Variants in DUSP28 observed in about 807,000 individuals in gnomAD.
DUSP28 encodes the protein dual specificity phosphatase 28.
Under a neutral mutation model 8.4 loss-of-function variants are expected in DUSP28, and 11 were observed. That is an observed-to-expected ratio of 1.31 (90% CI 0.83 to 2.17). The LOEUF (loss-of-function observed/expected upper bound fraction) is 2.17, where lower values mean the gene tolerates loss of function less well. DUSP28 is among the 30% of genes most tolerant of loss of function. The pLI is 0.00. For missense variants in DUSP28, 373 were observed against 270.4 expected (o/e 1.38, Z -2.66); for synonymous variants, 178 against 130.9 (o/e 1.36, Z -2.46).
rs1235474456 is a variant in DUSP28, at chr2:240,560,525, C to A, written c.-160C>A. 2 of 1,132,024 alleles carry A rather than the reference C, an allele frequency of 1.8e-6. No homozygotes were observed. The allele number at this position is 1,132,024 out of a possible 1,614,324, so 70.1% of individuals were successfully genotyped here. On this transcript the variant is annotated 5_prime_UTR_variant, in exon 1 of 2. Transcript: ENST00000405954. Reference sequence around the variant, plus strand: ...CAAGCCCCCTGTCCCGGCCCAGCGCCCGCGGGGGACCCAAGCCCCAGCCTG... The same window carrying A: ...CAAGCCCCCTGTCCCGGCCCAGCGCACGCGGGGGACCCAAGCCCCAGCCTG...
In DUSP28 at chr2:240,560,895, T is replaced by C. The variant is rs940800288; in HGVS notation, c.211T>C (p.Phe71Leu). The C allele has an allele frequency of 3.9e-6, 6 of 1,520,848 alleles. No homozygotes were observed. Among genetic ancestry groups the C allele is most frequent in the Non-Finnish European group, 5.2e-6 (6 of 1,148,100 alleles). 94.2% of individuals were successfully genotyped at this position (1,520,848 alleles called of 1,614,324 possible). Reference sequence around the variant, plus strand: ...CGTGGCAGAGCTGCGCGTGCCCGTGTTCGACGACCCGGCTGAGGACCTGCT... The same window carrying C: ...CGTGGCAGAGCTGCGCGTGCCCGTGCTCGACGACCCGGCTGAGGACCTGCT... ...PGVAELRVPVFDDPAEDLLAH... is the reference protein window; with the variant it reads ...PGVAELRVPVLDDPAEDLLAH... The change falls in exon 1 of 2, where the codon TTC (phenylalanine) becomes CTC (leucine). Residue 71 changes from phenylalanine (F) to leucine (L), a missense_variant. Phe to Leu is a conservative substitution (Grantham distance 22). Coordinates refer to ENST00000405954, the MANE Select transcript of DUSP28 (RefSeq NM_001370465.2).
chr2:240,561,275 C>A, intron 1 of DUSP28, 55 bp from the exon 2 acceptor site: 1 of 1,611,414 alleles, frequency 6.2e-7, no homozygotes, highest in Non-Finnish European at 8.5e-7. Context: ...CCCGCCTTGG[C>A]CCCTGCTGGC....
In DUSP28 at chr2:240,560,724, C is replaced by T; in HGVS notation, c.40C>T (p.Pro14Ser). The part of the protein sequence containing the change: ...AEAGRRGAAS[P>S]VPPPLVRVAP... ...AGCTGGGCGCCGCGGGGCCGCCTCG[C>T]CCGTACCTCCACCGTTGGTGCGCGT... Residue 14 changes from proline to serine, a missense_variant, in exon 1 of 2, where the codon CCC (proline) becomes TCC (serine). Physicochemically the swap from Pro to Ser is moderately conservative, Grantham distance 74. Transcript: ENST00000405954. 1.3e-6 allele frequency: 2 copies of T among 1,524,666 alleles called. No homozygotes were observed. The highest frequency in any genetic ancestry group is 1.7e-6 in the Non-Finnish European group (2 of 1,148,152). The allele number at this position is 1,524,666 out of a possible 1,614,324, so 94.4% of individuals were successfully genotyped here.
intron 1 of DUSP28, 23 bp downstream of exon 1, chr2:240,561,100 G>T (rs1358847581): frequency 1.4e-6 from 2 of 1,463,182 alleles, no homozygotes; most frequent in Non-Finnish European, 9.0e-7. Flanking sequence ...TTAGGGGGGC[G>T]GTGTTTCGAG....
Position 240,560,980 on chromosome 2 carries a change from G to A in DUSP28, c.296G>A (p.Cys99Tyr), listed in dbSNP as rs763623217. The A allele has an allele frequency of 1.2e-5, 18 of 1,540,250 alleles. No individual in the cohort carries two copies. The highest frequency in any genetic ancestry group is 1.6e-5 in the Non-Finnish European group (18 of 1,156,106). The change falls in exon 1 of 2, where the codon TGC becomes TAC. Residue 99 changes from cysteine to tyrosine, a missense_variant. By Grantham distance (194) the Cys-to-Tyr change is radical. Coordinates refer to ENST00000405954, the MANE Select transcript of DUSP28 (RefSeq NM_001370465.2). ...MEAAVRAGGA[C>Y]LVYCKNGRSR... The stretch of plus-strand genomic sequence containing the variant: ...GCCGCGGTGCGCGCCGGCGGCGCCT[G>A]CCTAGTCTACTGCAAGAACGGCCGC...
rs1007823553 is a variant in DUSP28, at chr2:240,560,966, C to G, written c.282C>G (p.Arg94=). 7.9e-6 allele frequency: 12 copies of G among 1,514,982 alleles called. No individual in the cohort carries two copies. The highest frequency in any genetic ancestry group is 7.2e-5 in the African/African-American group (5 of 69,374). 93.8% of individuals were successfully genotyped at this position (1,514,982 alleles called of 1,614,324 possible). A position where few individuals can be genotyped will look rare whatever the true frequency, so the allele number is the denominator to read the frequency against. ...PTCAAMEAAV[R]AGGACLVYCK... ...GCGCCGCCATGGAGGCCGCGGTGCG[C>G]GCCGGCGGCGCCTGCCTAGTCTACT... Residue 94 remains arginine (R), a synonymous_variant, in exon 1 of 2, where the codon CGC becomes CGG. Transcript: ENST00000405954.
rs111241666 is a variant in DUSP28, at chr2:240,561,147, G to C, written c.393+70G>C. 1.1e-5 allele frequency: 16 copies of C among 1,458,690 alleles called. No homozygotes were observed. The African/African-American group carries it at 2.0e-4, about 18-fold the overall frequency. 90.4% of individuals were successfully genotyped at this position (1,458,690 alleles called of 1,614,324 possible). A position where few individuals can be genotyped will look rare whatever the true frequency, so the allele number is the denominator to read the frequency against. ...TTCCGGGGACGAGTTTTCCGGGCGG[G>C]GCCGGCTTCGGGATTGGGACAGGCA... is the stretch of plus-strand genomic sequence containing the variant. On this transcript the variant is annotated intron_variant, in intron 1 of 1. Coordinates refer to ENST00000405954, the MANE Select transcript of DUSP28 (RefSeq NM_001370465.2).
chr2:240,561,263 G>C, intron 1 of DUSP28, 67 bp from the exon 2 acceptor site: 3 of 1,609,370 alleles, frequency 1.9e-6, no homozygotes, highest in African/African-American at 2.7e-5. Flanking sequence ...CTTACAGCTG[G>C]GCCCGCCTTG....
In DUSP28 at chr2:240,564,505, C is replaced by T. The variant is rs908755295; in HGVS notation, c.*3038C>T. ...TGCACCACCATCTGCTCCGTCCTCT[C>T]CCTCTGGTCAGCTCAGCTTATTAAA... On this transcript the variant is annotated 3_prime_UTR_variant, in exon 2 of 2. Transcript: ENST00000405954. Among the ~76,000 whole-genome samples, 1 of 152,250 alleles carries T rather than the reference C, an allele frequency of 6.6e-6. No homozygotes were observed. The highest frequency in any genetic ancestry group is 1.9e-4 in the East Asian group (1 of 5,200).
chr2:240,561,028 C>G lies in DUSP28; in HGVS notation c.344C>G (p.Thr115Ser). ...NGRSRSAAVCTAYLMRHRGLS... is the reference protein window; with the variant it reads ...NGRSRSAAVCSAYLMRHRGLS... The stretch of plus-strand genomic sequence containing the variant: ...CGCAGCCGCTCGGCCGCCGTCTGCA[C>G]CGCGTACCTCATGCGGCACCGCGGC... The change falls in exon 1 of 2, where the codon ACC (threonine) becomes AGC (serine). Residue 115 changes from threonine (T) to serine (S), a missense_variant. Physicochemically the swap from Thr to Ser is moderately conservative, Grantham distance 58. Transcript: ENST00000405954. The G allele has an allele frequency of 6.5e-7, 1 of 1,534,186 alleles. No homozygotes were observed. The highest frequency in any genetic ancestry group is 8.7e-7 in the Non-Finnish European group (1 of 1,151,680).
At position 240,560,828 on chromosome 2, in the gene DUSP28, C is replaced by A; in HGVS notation, c.144C>A (p.Cys48Ter). 2 of 1,418,488 alleles carry A rather than the reference C, an allele frequency of 1.4e-6. No homozygotes were observed. The highest frequency in any genetic ancestry group is 1.8e-6 in the Non-Finnish European group (2 of 1,094,904). 87.9% of individuals were successfully genotyped at this position (1,418,488 alleles called of 1,614,324 possible). ...EQLARAGVTL[C>*]VNVSRQQPGP... ...TGGCGCGCGCGGGAGTCACGCTGTG[C>A]GTCAACGTCTCCCGCCAGCAGCCCG... The change falls in exon 1 of 2, where the codon TGC becomes TGA. Residue 48 changes from cysteine to a stop codon, truncating the protein, a stop_gained. Transcript: ENST00000405954. LOFTEE classifies it high-confidence loss of function.
Position 240,560,595 on chromosome 2 carries a change from G to A in DUSP28, c.-90G>A. 2 of 1,324,232 alleles carry A rather than the reference G, an allele frequency of 1.5e-6. No individual in the cohort carries two copies. Among genetic ancestry groups the A allele is most frequent in the African/African-American group, 1.5e-5 (1 of 64,676 alleles). 82.0% of individuals were successfully genotyped at this position (1,324,232 alleles called of 1,614,324 possible). A position where few individuals can be genotyped will look rare whatever the true frequency, so the allele number is the denominator to read the frequency against. On this transcript the variant is annotated 5_prime_UTR_variant, in exon 1 of 2. Transcript: ENST00000405954. ...AGGACCCGGGGGCGCCCGGCGGCCCGCCCGGCTCCCACAAATAGACTCCTG... is the reference window on the plus strand; with the variant it reads ...AGGACCCGGGGGCGCCCGGCGGCCCACCCGGCTCCCACAAATAGACTCCTG...
chr2:240,560,945 C>T lies in DUSP28; in HGVS notation c.261C>T (p.Ala87=). Reference sequence around the variant, plus strand: ...TGGCGCACCTGGAGCCCACGTGCGCCGCCATGGAGGCCGCGGTGCGCGCCG... The same window carrying T: ...TGGCGCACCTGGAGCCCACGTGCGCTGCCATGGAGGCCGCGGTGCGCGCCG... ...DLLAHLEPTC[A]AMEAAVRAGG... Residue 87 remains alanine, a synonymous_variant, in exon 1 of 2, where the codon GCC becomes GCT. Transcript: ENST00000405954. 6.5e-7 allele frequency: 1 copy of T among 1,531,762 alleles called. No homozygotes were observed. Among genetic ancestry groups the T allele is most frequent in the Admixed American group, 2.0e-5 (1 of 49,018 alleles). 94.9% of individuals were successfully genotyped at this position (1,531,762 alleles called of 1,614,324 possible).
chr2:240,561,241 GC>G, intron 1 of DUSP28, 88 bp from the exon 2 acceptor site: 1 of 1,596,236 alleles, frequency 6.3e-7, no homozygotes. Flanking sequence ...TCCGGGTTGG[GC>G]GGGGCCCACT....
chr2:240,561,000 G>T lies in DUSP28; in HGVS notation c.316G>T (p.Gly106Cys), dbSNP rs754396712. 23 of 1,539,258 alleles carry T rather than the reference G, an allele frequency of 1.5e-5. No homozygotes were observed. The East Asian group carries it at 5.6e-4, about 38-fold the overall frequency. Residue 106 changes from glycine (G) to cysteine (C), a missense_variant, in exon 1 of 2, where the codon GGC (glycine) becomes TGC (cysteine). Coordinates refer to ENST00000405954, the MANE Select transcript of DUSP28 (RefSeq NM_001370465.2). ...GGACLVYCKN[G>C]RSRSAAVCTA... ...CGCCTGCCTAGTCTACTGCAAGAAC[G>T]GCCGCAGCCGCTCGGCCGCCGTCTG...
Position 240,561,032 on chromosome 2 carries a change from G to T in DUSP28, c.348G>T (p.Ala116=). The T allele has an allele frequency of 2.0e-6, 3 of 1,533,260 alleles. No individual in the cohort carries two copies. The highest frequency in any genetic ancestry group is 2.6e-6 in the Non-Finnish European group (3 of 1,151,218). 95.0% of individuals were successfully genotyped at this position (1,533,260 alleles called of 1,614,324 possible). The part of the protein sequence containing the change: ...GRSRSAAVCT[A]YLMRHRGLSL... ...GCCGCTCGGCCGCCGTCTGCACCGC[G>T]TACCTCATGCGGCACCGCGGCCTCA... is the stretch of plus-strand genomic sequence containing the variant. Residue 116 remains alanine (A), a synonymous_variant, in exon 1 of 2, where the codon GCG becomes GCT. Transcript: ENST00000405954.
In DUSP28 at chr2:240,562,038, C is replaced by G. The variant is rs2092970545; in HGVS notation, c.*571C>G. 1 of 152,298 alleles carries G rather than the reference C, an allele frequency of 6.6e-6. No individual in the cohort carries two copies. Among genetic ancestry groups the G allele is most frequent in the South Asian group, 2.0e-4 (1 of 4,922 alleles). The allele number at this position is 152,298 out of a possible 1,614,324, so 9.4% of individuals were successfully genotyped here. On this transcript the variant is annotated 3_prime_UTR_variant, in exon 2 of 2. Transcript: ENST00000405954. ...CCTCTGCAATACAGCTGGAGCTGTC[C>G]CATAGGAGTTCGGACAATTACGGAC...
At chr2:240,561,219 C>G in intron 1 of DUSP28, 111 bp from the exon 2 acceptor site, 1 of 1,573,944 alleles carries the variant, frequency 6.4e-7, no homozygotes, top group Non-Finnish European at 8.6e-7. Context: ...CTTAGGGAAG[C>G]AGAGAGGCAC....
At position 240,560,943 on chromosome 2, in the gene DUSP28, G is replaced by A. The variant is rs868495061; in HGVS notation, c.259G>A (p.Ala87Thr). The change falls in exon 1 of 2, where the codon GCC becomes ACC. Residue 87 changes from alanine to threonine, a missense_variant. Physicochemically the swap from Ala to Thr is moderately conservative, Grantham distance 58 (BLOSUM62 0). Transcript: ENST00000405954. The part of the protein sequence containing the change: ...DLLAHLEPTC[A>T]AMEAAVRAGG... ...GCTGGCGCACCTGGAGCCCACGTGC[G>A]CCGCCATGGAGGCCGCGGTGCGCGC... 2.0e-6 allele frequency: 3 copies of A among 1,531,944 alleles called. No individual in the cohort carries two copies. Among genetic ancestry groups the A allele is most frequent in the African/African-American group, 1.4e-5 (1 of 69,838 alleles). The allele number at this position is 1,531,944 out of a possible 1,614,324, so 94.9% of individuals were successfully genotyped here.
Sources: gnomAD v4.1 joint callset for allele counts (sites outside exome capture counted in the v4.1 genomes callset) on GRCh38, gnomAD v4.1.1 for gene constraint, MANE v1.5 for transcripts, NCBI Gene and HGNC (gene_info 2026-07-23, HGNC 2026-07-21) for gene names.